Variants in CCDC178 observed in about 807,000 individuals in gnomAD.
CCDC178 encodes the protein coiled-coil domain-containing protein 178.
Under a neutral mutation model 117.4 loss-of-function variants are expected in CCDC178, and 126 were observed. The ratio of observed to expected loss-of-function variants is 1.07; its 90% CI spans 0.93 to 1.24. The LOEUF is 1.24. Ranked by LOEUF, CCDC178 falls within the 50% of genes most tolerant of loss-of-function variation. The pLI is 0.00. For synonymous variants in CCDC178, 283 were observed against 313.4 expected (o/e 0.90, Z 1.02); for missense variants, 1,030 against 986.9 (o/e 1.04, Z -0.59).
intron 20 of CCDC178, among the ~76,000 whole-genome samples, chr18:33,144,006 T>G (rs923644050): frequency 6.6e-6 from 1 of 152,106 alleles, no homozygotes; most frequent in Admixed American, 6.5e-5. Flanking sequence ...AAATTTACTT[T>G]ACTGCACCAC....
rs2063650622 is a variant in CCDC178 at position 33,397,182 on chromosome 18, G to C, written c.85C>G (p.Leu29Val). ...IGLTCQEVKALREKAWSRTNE... is the reference protein window; with the variant it reads ...IGLTCQEVKAVREKAWSRTNE... ...GTCCTTGACCATGCCTTCTCTCTGAGAGCCTTTACTTCCTGACATGTTAAA... is the reference window on the plus strand; with the variant it reads ...GTCCTTGACCATGCCTTCTCTCTGACAGCCTTTACTTCCTGACATGTTAAA... The change falls in exon 4 of 23, where the codon CTC becomes GTC. Residue 29 changes from leucine (L) to valine (V), a missense_variant. By Grantham distance (32) the Leu-to-Val change is conservative. Transcript: ENST00000383096. 4 of 1,607,036 alleles carry C rather than the reference G, an allele frequency of 2.5e-6. No homozygotes were observed. The highest frequency in any genetic ancestry group is 2.2e-5 in the South Asian group (2 of 90,730).
At chr18:33,366,688 A>AC (rs2063212366) in intron 6 of CCDC178, among the ~76,000 whole-genome samples, 1 of 152,024 alleles carries the variant, frequency 6.6e-6, no homozygotes, top group South Asian at 2.1e-4. Flanking sequence ...ACAGATGACT[A>AC]CATATTATAT....
chr18:33,113,808 A>T (rs1176436816), intron 20 of CCDC178, among the ~76,000 whole-genome samples: 2 of 152,074 alleles, frequency 1.3e-5, no homozygotes, highest in African/African-American at 2.4e-5. Flanking sequence ...TAGAAATTAC[A>T]GGGTTTATAT....
intron 20 of CCDC178, among the ~76,000 whole-genome samples, chr18:33,156,845 T>C (rs545781390): frequency 6.6e-6 from 1 of 152,254 alleles, no homozygotes; most frequent in East Asian, 1.9e-4. Context: ...AGGTTTCCAG[T>C]TTCCCTGCTC....
intron 21 of CCDC178, among the ~76,000 whole-genome samples, chr18:33,001,008 G>A (rs574214186): frequency 2.5e-4 from 38 of 152,128 alleles, no homozygotes; most frequent in African/African-American, 8.2e-4. Context: ...TAATAACTAC[G>A]ACAATTTTTC....
intron 2 of CCDC178, among the ~76,000 whole-genome samples, chr18:33,419,951 C>A (rs1317084883): frequency 2.6e-5 from 4 of 151,244 alleles, no homozygotes; most frequent in East Asian, 1.9e-4. Context: ...TGCATATATA[C>A]CCCAAAAAAA....
intron 20 of CCDC178, among the ~76,000 whole-genome samples, chr18:33,141,414 T>C (rs2058203280): frequency 6.6e-6 from 1 of 152,088 alleles, no homozygotes; most frequent in South Asian, 2.1e-4. Context: ...TTGACACTCC[T>C]TCTTCCTGCA....
intron 22 of CCDC178, among the ~76,000 whole-genome samples, chr18:32,972,488 T>C (rs2054948293): frequency 6.6e-6 from 1 of 152,088 alleles, no homozygotes; most frequent in Non-Finnish European, 1.5e-5. Flanking sequence ...CTTAGGATTG[T>C]CTTGTCTCTA....
At chr18:33,185,314 T>C (rs1395813690) in intron 20 of CCDC178, among the ~76,000 whole-genome samples, 1 of 151,836 alleles carries the variant, frequency 6.6e-6, no homozygotes, top group Non-Finnish European at 1.5e-5. Context: ...AAGTCTTGTT[T>C]TAAAGAAAAA....
rs150800963 is a variant in CCDC178 at position 32,997,852 on chromosome 18, GA to G, written c.2389-23172del. On this transcript the variant is annotated intron_variant, in intron 21 of 22. Transcript: ENST00000383096. Reference sequence around the variant, plus strand: ...TTAGCAATAATTCATTTTGATATGAGAAAAAAAAATCAACCATTTTATTCAT... The same window carrying G: ...TTAGCAATAATTCATTTTGATATGAGAAAAAAAATCAACCATTTTATTCAT... Among the ~76,000 whole-genome samples the G allele has an allele frequency of 8.2e-3, 1,233 of 150,668 alleles. 10 individuals are homozygous for G. Among genetic ancestry groups the G allele is most frequent in the Non-Finnish European group, 9.7e-3 (659 of 67,614 alleles).
intron 2 of CCDC178, among the ~76,000 whole-genome samples, chr18:33,417,606 T>C (rs1336230075): frequency 6.6e-6 from 1 of 152,154 alleles, no homozygotes; most frequent in African/African-American, 2.4e-5. Context: ...ATAAGTTCCA[T>C]TGCCTGTATC....
At chr18:33,118,211 G>A (rs2144197945) in intron 20 of CCDC178, among the ~76,000 whole-genome samples, 1 of 152,148 alleles carries the variant, frequency 6.6e-6, no homozygotes, top group East Asian at 1.9e-4. Flanking sequence ...TGAGCACTCA[G>A]TTATGATAAC....
At chr18:33,291,629 T>C (rs917642158) in intron 12 of CCDC178, among the ~76,000 whole-genome samples, 3 of 152,158 alleles carry the variant, frequency 2.0e-5, no homozygotes, top group African/African-American at 7.2e-5. Context: ...TATGTTCTTA[T>C]ACAACAGTGA....
intron 22 of CCDC178, among the ~76,000 whole-genome samples, chr18:32,953,144 C>T (rs1169758858): frequency 6.6e-6 from 1 of 152,156 alleles, no homozygotes; most frequent in Non-Finnish European, 1.5e-5. Flanking sequence ...ACCAGATACC[C>T]TAAATCATCT....
chr18:33,437,055 T>C (rs777371621), intron 2 of CCDC178, among the ~76,000 whole-genome samples: 2 of 152,050 alleles, frequency 1.3e-5, no homozygotes, highest in Non-Finnish European at 2.9e-5. Context: ...GCAAATGGAG[T>C]TTCTTAAGCA....
At chr18:32,994,391 G>A (rs1385941439) in intron 21 of CCDC178, among the ~76,000 whole-genome samples, 1 of 152,094 alleles carries the variant, frequency 6.6e-6, no homozygotes, top group African/African-American at 2.4e-5. Context: ...TAAAGAATAA[G>A]AATTTCATCC....
In CCDC178 at chr18:33,323,511, T is replaced by C; in HGVS notation, c.1002A>G (p.Glu334=). The change falls in exon 11 of 23, where the codon GAA becomes GAG. Residue 334 remains glutamate, a synonymous_variant. Coordinates refer to ENST00000383096, the MANE Select transcript of CCDC178 (RefSeq NM_001105528.4). ...CTTACTTGTAGGCCTCTATGGTTTT[T>C]TCATCCTGGTAAATATCCTTATCAA... The part of the protein sequence containing the change: ...EEIDKDIYQD[E]KTIEAYKREI... 6.6e-7 allele frequency: 1 copy of C among 1,525,718 alleles called. No homozygotes were observed. The highest frequency in any genetic ancestry group is 8.8e-7 in the Non-Finnish European group (1 of 1,139,232). 94.5% of individuals were successfully genotyped at this position (1,525,718 alleles called of 1,614,324 possible).
intron 21 of CCDC178, among the ~76,000 whole-genome samples, chr18:33,078,507 C>T (rs271524): frequency 0.14 from 21,703 of 152,060 alleles, 2,403 homozygotes; most frequent in African/African-American, 0.31. Flanking sequence ...TGTTTGCAGA[C>T]GACATAATTC....
chr18:33,226,674 GA>G (rs2059306145), intron 16 of CCDC178, 118 bp downstream of exon 16: 1 of 592,546 alleles, frequency 1.7e-6, no homozygotes, highest in Non-Finnish European at 2.9e-6. Flanking sequence ...GCTAAGGAGA[GA>G]AAACTGCTGG....
Sources: allele counts gnomAD v4.1 joint callset (sites outside exome capture counted in the v4.1 genomes callset), GRCh38; gene constraint gnomAD v4.1.1; transcripts MANE v1.5; gene names NCBI Gene and HGNC (gene_info 2026-07-23, HGNC 2026-07-21).